STAG2: variants seen among roughly 807,000 people sequenced by gnomAD.
STAG2 encodes STAG2 cohesin complex component, also known as cohesin subunit SA-2.
Under a neutral mutation model 108.1 loss-of-function variants are expected in STAG2, and 14 were observed. The observed-to-expected ratio is 0.13, with a 90% CI of 0.09 to 0.20. STAG2 has a LOEUF of 0.20. STAG2 is among the 10% of genes least tolerant of loss of function. The pLI is 1.00. For missense variants in STAG2, 440 were observed against 940.9 expected, an observed-to-expected ratio of 0.47 and a Z score of 6.96; for synonymous variants, 307 against 302.7, an observed-to-expected ratio of 1.01 and a Z score of -0.15.
intron 1 of STAG2, among the ~76,000 whole-genome samples, chrX:123,982,886 A>G (rs1404761625): frequency 9.3e-6 from 1 of 107,428 alleles, no homozygotes; most frequent in Non-Finnish European, 1.9e-5. Flanking sequence ...CTTTTTCCCT[A>G]TCTAATTGTG....
intron 1 of STAG2, among the ~76,000 whole-genome samples, chrX:124,008,604 A>G (rs2056391123): frequency 8.9e-6 from 1 of 111,830 alleles, no homozygotes; most frequent in South Asian, 3.7e-4. Context: ...TCAGTCTCCT[A>G]AAGTGCTGGA....
intron 6 of STAG2, among the ~76,000 whole-genome samples, chrX:124,040,033 A>G (rs910731263): frequency 8.0e-5 from 9 of 111,814 alleles, no homozygotes; most frequent in Non-Finnish European, 1.7e-4. Flanking sequence ...GAATCAGGCA[A>G]TCTCCATGAA....
chrX:124,028,810 ATATATATATATATT>A (rs1246851477), intron 4 of STAG2, among the ~76,000 whole-genome samples: 75 of 87,781 alleles, frequency 8.5e-4, no homozygotes, highest in African/African-American at 3.0e-3. Flanking sequence ...ATATATATAT[ATATATATATATATT>A]TTTTTTTTTA....
intron 1 of STAG2, among the ~76,000 whole-genome samples, chrX:124,017,825 A>C (rs1000998277): frequency 8.9e-6 from 1 of 111,905 alleles, no homozygotes; most frequent in Non-Finnish European, 1.9e-5. Flanking sequence ...AGTTACGGTG[A>C]TTAAGTTTCA....
rs145360766 is a variant in STAG2 at position 124,052,973 on chromosome X, C to T, written c.1196+1579C>T. ...CTGGGATTACAGGTGCCTGCCACCA[C>T]GCCTGGGTAATTTTTGTATTTTTAG... On this transcript the variant is annotated intron_variant, in intron 13 of 34. Transcript: ENST00000371145. Among the ~76,000 whole-genome samples, 187 of 110,550 alleles carry T rather than the reference C, an allele frequency of 1.7e-3. 4 individuals carry two copies. In the East Asian group the frequency reaches 0.048, roughly 28 times the overall value.
chrX:124,028,685 C>T (rs1045407524), intron 4 of STAG2, among the ~76,000 whole-genome samples: 6 of 107,788 alleles, frequency 5.6e-5, no homozygotes, highest in Admixed American at 2.0e-4. Context: ...GAATAAAGTA[C>T]ATAAATACCA....
At chrX:124,085,549 G>A (rs1316033101) in intron 29 of STAG2, among the ~76,000 whole-genome samples, 2 of 110,516 alleles carry the variant, frequency 1.8e-5, no homozygotes, top group East Asian at 5.7e-4. Context: ...AGCATTTTGG[G>A]AGGTCAAGGC....
chrX:124,065,270 G>GT (rs2058491535), intron 20 of STAG2, among the ~76,000 whole-genome samples: 1 of 112,155 alleles, frequency 8.9e-6, no homozygotes, highest in African/African-American at 3.2e-5. Context: ...TTAAAAACAA[G>GT]TGCTTTTTTG....
chrX:124,014,848 G>A (rs758334650), intron 1 of STAG2, among the ~76,000 whole-genome samples: 5 of 110,343 alleles, frequency 4.5e-5, no homozygotes, highest in Non-Finnish European at 7.6e-5. Flanking sequence ...CCAGGTTTGT[G>A]TAAAAGAAAA....
intron 1 of STAG2, among the ~76,000 whole-genome samples, chrX:123,972,850 C>T (rs1383479294): frequency 2.5e-5 from 2 of 81,242 alleles, no homozygotes; most frequent in African/African-American, 4.6e-5. Context: ...GAAACTCCCC[C>T]CCTCTACCAA....
Position 124,050,350 on chromosome X carries a change from C to T in STAG2, c.1017+41C>T, listed in dbSNP as rs369991752. On this transcript the variant is annotated intron_variant, in intron 11 of 34. Coordinates refer to ENST00000371145, the MANE Select transcript of STAG2 (RefSeq NM_001042750.2). ...CAGACTGCTTCTTTCTACACATCGG[C>T]GTGGCTGTCTGCACCTCTCATTCAT... is the stretch of plus-strand genomic sequence containing the variant. 103 of 1,162,577 alleles carry T rather than the reference C, an allele frequency of 8.9e-5. No individual in the cohort carries two copies. The Middle Eastern group carries it at 1.2e-3, about 14-fold the overall frequency.
chrX:123,982,802 A>C (rs1226157584), intron 1 of STAG2, among the ~76,000 whole-genome samples: 1 of 95,534 alleles, frequency 1.0e-5, no homozygotes, highest in Non-Finnish European at 2.0e-5. Context: ...ACCAAAACCA[A>C]CTACTTTCCT....
intron 1 of STAG2, among the ~76,000 whole-genome samples, chrX:124,012,563 A>C (rs2056554464): frequency 8.9e-6 from 1 of 112,047 alleles, no homozygotes; most frequent in African/African-American, 3.2e-5. Flanking sequence ...GTTAGCTAAA[A>C]GGTTAGTGGG....
chrX:124,042,857 C>CA (rs983618260), intron 7 of STAG2, among the ~76,000 whole-genome samples: 4 of 107,366 alleles, frequency 3.7e-5, no homozygotes, highest in East Asian at 3.0e-4. Flanking sequence ...GCTAAAAATA[C>CA]AAAAAAAATT....
At chrX:123,997,469 G>A (rs1007214615) in intron 1 of STAG2, among the ~76,000 whole-genome samples, 3 of 111,811 alleles carry the variant, frequency 2.7e-5, no homozygotes, top group Admixed American at 9.5e-5. Context: ...CACAGTGGAG[G>A]ACCACTACAC....
chrX:124,011,346 T>G (rs2147920010), intron 1 of STAG2, among the ~76,000 whole-genome samples: 1 of 111,745 alleles, frequency 8.9e-6, no homozygotes, highest in African/African-American at 3.2e-5. Context: ...TTTCTTTCTT[T>G]CTAACTTGGA....
Position 124,086,490 on chromosome X carries a change from G to A in STAG2, c.3054-57G>A, listed in dbSNP as rs2059111580. On this transcript the variant is annotated intron_variant, in intron 29 of 34. Coordinates refer to ENST00000371145, the MANE Select transcript of STAG2 (RefSeq NM_001042750.2). ...TATGCCTATGCTCGCACAACTATGA[G>A]TTAATATAACCCACAGATTTCTGTA... 3.0e-6 allele frequency: 3 copies of A among 983,868 alleles called. No homozygotes were observed. In the Admixed American group the frequency reaches 6.9e-5, roughly 23 times the overall value. 81.1% of individuals were successfully genotyped at this position (983,868 alleles called of 1,213,427 possible).
chrX:124,075,739 G>A (rs1267239097), intron 25 of STAG2, among the ~76,000 whole-genome samples: 1 of 111,389 alleles, frequency 9.0e-6, no homozygotes, highest in African/African-American at 3.3e-5. Context: ...TTACTTGGAG[G>A]CTGCAGTGGG....
intron 1 of STAG2, among the ~76,000 whole-genome samples, chrX:124,000,834 T>A (rs1394931854): frequency 9.0e-6 from 1 of 111,661 alleles, no homozygotes; most frequent in African/African-American, 3.3e-5. Flanking sequence ...AAGACAGTTA[T>A]ATTGATGATC....
Sources: gnomAD v4.1 joint callset for allele counts (sites outside exome capture counted in the v4.1 genomes callset) on GRCh38, gnomAD v4.1.1 for gene constraint, MANE v1.5 for transcripts, NCBI Gene and HGNC (gene_info 2026-07-23, HGNC 2026-07-21) for gene names.